The following CALM2 variants were observed in gnomAD, a reference collection of about 807,000 sequenced individuals.
CALM2 encodes the protein calmodulin-2.
Under a neutral mutation model 19.8 loss-of-function variants are expected in CALM2, and 2 were observed. That is an observed-to-expected ratio of 0.10 (90% CI 0.04 to 0.32). CALM2 has a LOEUF of 0.32. Ranked by LOEUF, CALM2 falls within the 10% of genes least tolerant of loss-of-function variation. The pLI is 1.00. For synonymous variants in CALM2, 51 were observed against 52.1 expected, an observed-to-expected ratio of 0.98 and a Z score of 0.09; for missense variants, 38 against 178.7, an observed-to-expected ratio of 0.21 and a Z score of 4.49.
Position 47,162,399 on chromosome 2 carries a change from T to C in CALM2, c.179-7A>G. On this transcript the variant is annotated splice_region_variant and splice_polypyrimidine_tract_variant and intron_variant, in intron 3 of 5. Transcript: ENST00000272298. Reference sequence around the variant, plus strand: ...AAGTCAATTGTGCCATTACCTGAAATGGTTTAGTGGAAACATCAAAGCTTT... The same window carrying C: ...AAGTCAATTGTGCCATTACCTGAAACGGTTTAGTGGAAACATCAAAGCTTT... The C allele has an allele frequency of 1.2e-6, 2 of 1,607,504 alleles. No homozygotes were observed. The highest frequency in any genetic ancestry group is 1.1e-5 in the South Asian group (1 of 90,190).
intron 1 of CALM2, 187 bp downstream of exon 1, chr2:47,176,254 A>C (rs2103858317): frequency 1.5e-6 from 1 of 648,598 alleles, no homozygotes. Flanking sequence ...GCCCCCCTGA[A>C]GAGAATGGGG....
At chr2:47,176,547 C>G (rs540550094), upstream of CALM2, 5 of 1,562,342 alleles carry the variant, frequency 3.2e-6, no homozygotes, top group Non-Finnish European at 4.3e-6. Context: ...CTCATAAACA[C>G]CTCCCTCCGC....
intron 2 of CALM2, among the ~76,000 whole-genome samples, chr2:47,170,384 T>A (rs1244681522): frequency 2.0e-5 from 3 of 152,240 alleles, no homozygotes; most frequent in Non-Finnish European, 4.4e-5. Flanking sequence ...CTTAGTTACT[T>A]CTTGGCCTCC....
chr2:47,162,433 CAT>C (rs1687187197), intron 3 of CALM2, 41 bp from the exon 4 acceptor site: 17 of 1,606,656 alleles, frequency 1.1e-5, no homozygotes, highest in East Asian at 2.2e-5. Flanking sequence ...TTAGTGGAAA[CAT>C]ATAAGCAAAC....
intron 1 of CALM2, chr2:47,171,325 T>C (rs1666660168): frequency 1.3e-5 from 2 of 152,598 alleles, no homozygotes; most frequent in South Asian, 2.1e-4. Context: ...AATCCCAAAG[T>C]AAGCCCAAGG....
At chr2:47,173,861 G>A (rs1002137062) in intron 1 of CALM2, 2 of 152,188 alleles carry the variant, frequency 1.3e-5, no homozygotes, top group Admixed American at 6.5e-5. Context: ...AGGGTAAAAA[G>A]ACACCTAATT....
At position 47,170,751 on chromosome 2, in the gene CALM2, G is replaced by C. The variant is rs1439126449; in HGVS notation, c.17C>G (p.Thr6Ser). The C allele has an allele frequency of 1.9e-6, 3 of 1,612,978 alleles. No individual in the cohort carries two copies. The highest frequency in any genetic ancestry group is 1.7e-6 in the Non-Finnish European group (2 of 1,179,098). The part of the protein sequence containing the change: MADQL[T>S]EEQIAEFKEA... The stretch of plus-strand genomic sequence containing the variant: ...TTTCTCACCTGCAATCTGCTCTTCA[G>C]TCAGTTGGTCAGCCTACAAAGAGAT... The change falls in exon 2 of 6, where the codon ACT becomes AGT. Residue 6 changes from threonine (T) to serine (S), a missense_variant. Physicochemically the swap from Thr to Ser is moderately conservative, Grantham distance 58 (BLOSUM62 1). Coordinates refer to ENST00000272298, the MANE Select transcript of CALM2 (RefSeq NM_001743.6).
intron 2 of CALM2, chr2:47,163,797 T>C (rs1666348298): frequency 6.6e-6 from 1 of 152,298 alleles, no homozygotes; most frequent in Non-Finnish European, 1.5e-5. Context: ...CACTCCAGAC[T>C]ACCTGGCTTC....
chr2:47,169,908 TAA>T (rs1303599239), intron 2 of CALM2, among the ~76,000 whole-genome samples: 1 of 144,342 alleles, frequency 6.9e-6, no homozygotes, highest in African/African-American at 2.6e-5. Flanking sequence ...CTCATGCTAA[TAA>T]AAGTGTCTAA....
intron 1 of CALM2, chr2:47,173,740 A>T (rs1182692807): frequency 6.6e-6 from 1 of 152,212 alleles, no homozygotes; most frequent in East Asian, 1.9e-4. Context: ...GTTCATTCCC[A>T]TCAGGTGCTA....
chr2:47,168,987 AG>A (rs1666583457), intron 2 of CALM2, among the ~76,000 whole-genome samples: 1 of 152,130 alleles, frequency 6.6e-6, no homozygotes, highest in South Asian at 2.1e-4. Flanking sequence ...CACGTTGGCC[AG>A]GCTGGTCATG....
upstream of CALM2, chr2:47,176,712 G>C: frequency 7.2e-7 from 1 of 1,391,718 alleles, no homozygotes; most frequent in Non-Finnish European, 9.3e-7. Flanking sequence ...ACGTAAGTGG[G>C]TTTCATTTCC....
chr2:47,176,465 C>T lies in CALM2; in HGVS notation c.-22G>A, dbSNP rs765695627. On this transcript the variant is annotated 5_prime_UTR_variant, in exon 1 of 6. Transcript: ENST00000272298. ...CCATGCTGCAAGCGCTACCGGTTTC[C>T]GAGACGCGACCACACAACCACTCAG... is the stretch of plus-strand genomic sequence containing the variant. The T allele has an allele frequency of 1.2e-6, 2 of 1,613,788 alleles. No individual in the cohort carries two copies. The highest frequency in any genetic ancestry group is 1.7e-5 in the Admixed American group (1 of 60,004).
rs1687112899 is a variant in CALM2 at position 47,160,171 on chromosome 2, A to C, written c.*605T>G. The C allele has an allele frequency of 6.6e-6, 1 of 152,626 alleles. No individual in the cohort carries two copies. Among genetic ancestry groups the C allele is most frequent in the South Asian group, 2.1e-4 (1 of 4,830 alleles). The allele number at this position is 152,626 out of a possible 1,614,324, so 9.5% of individuals were successfully genotyped here. ...TCAGATGCAGAGCAACCATTGGGTA[A>C]ATTGTAATTTTTTTATTGGAAAACA... On this transcript the variant is annotated 3_prime_UTR_variant, in exon 6 of 6. Coordinates refer to ENST00000272298, the MANE Select transcript of CALM2 (RefSeq NM_001743.6).
rs762752486 is a variant in CALM2, at chr2:47,160,763, C to T, written c.*13G>A. ...TTTTGTACAAGAAATTTAACACATT[C>T]TGTACAAGGTCTTCACTTTGCTGTC... On this transcript the variant is annotated 3_prime_UTR_variant, in exon 6 of 6. Coordinates refer to ENST00000272298, the MANE Select transcript of CALM2 (RefSeq NM_001743.6). The T allele has an allele frequency of 3.1e-5, 44 of 1,429,552 alleles. No homozygotes were observed. Among genetic ancestry groups the T allele is most frequent in the Non-Finnish European group, 4.0e-5 (43 of 1,066,590 alleles). The allele number at this position is 1,429,552 out of a possible 1,614,324, so 88.6% of individuals were successfully genotyped here.
At chr2:47,172,364 C>G (rs1269945783) in intron 1 of CALM2, 1 of 494,470 alleles carries the variant, frequency 2.0e-6, no homozygotes, top group Non-Finnish European at 3.9e-6. Context: ...GGACGTGGTA[C>G]TCCTCCTCTC....
chr2:47,176,749 C>T (rs1666887386), upstream of CALM2: 2 of 1,366,210 alleles, frequency 1.5e-6, no homozygotes, highest in Non-Finnish European at 9.5e-7. Flanking sequence ...GCCGGTGGAG[C>T]GGCCCCTGAG....
In CALM2 at chr2:47,160,773, T is replaced by G; in HGVS notation, c.*3A>C. 4 of 1,496,760 alleles carry G rather than the reference T, an allele frequency of 2.7e-6. No homozygotes were observed. The highest frequency in any genetic ancestry group is 3.6e-6 in the Non-Finnish European group (4 of 1,111,592). The allele number at this position is 1,496,760 out of a possible 1,614,324, so 92.7% of individuals were successfully genotyped here. A position where few individuals can be genotyped will look rare whatever the true frequency, so the allele number is the denominator to read the frequency against. ...GAAATTTAACACATTCTGTACAAGG[T>G]CTTCACTTTGCTGTCATCATTTGTA... On this transcript the variant is annotated 3_prime_UTR_variant, in exon 6 of 6. Coordinates refer to ENST00000272298, the MANE Select transcript of CALM2 (RefSeq NM_001743.6).
chr2:47,169,492 C>T (rs954202800), intron 2 of CALM2, among the ~76,000 whole-genome samples: 1 of 151,886 alleles, frequency 6.6e-6, no homozygotes, highest in African/African-American at 2.4e-5. Context: ...ATAGGTGATA[C>T]CTTTAAAACA....
Sources: allele counts gnomAD v4.1 joint callset (sites outside exome capture counted in the v4.1 genomes callset), GRCh38; gene constraint gnomAD v4.1.1; transcripts MANE v1.5; gene names NCBI Gene and HGNC (gene_info 2026-07-23, HGNC 2026-07-21).